Variants in TLR7 observed in about 807,000 individuals in gnomAD.
The protein encoded by TLR7 is toll like receptor 7.
In TLR7, 12 loss-of-function variants were observed where a neutral mutation model predicts 38.3. The ratio of observed to expected loss-of-function variants is 0.31; its 90% confidence interval spans 0.20 to 0.51. TLR7 has a LOEUF of 0.51. Ranked by LOEUF, TLR7 falls within the 20% of genes least tolerant of loss-of-function variation. The pLI, the probability that TLR7 is intolerant of heterozygous loss-of-function variation, is 0.98. For missense variants in TLR7, 504 were observed against 743.4 expected, an observed-to-expected ratio of 0.68 and a Z score of 3.74; for synonymous variants, 285 against 293.8, an observed-to-expected ratio of 0.97 and a Z score of 0.31.
intron 2 of TLR7, among the ~76,000 whole-genome samples, chrX:12,876,609 A>G (rs1046174827): frequency 4.5e-5 from 5 of 112,306 alleles, no homozygotes; most frequent in African/African-American, 9.7e-5. Flanking sequence ...CTGGCACACC[A>G]TAAGTAATAA....
At chrX:12,873,330 T>C (rs1469596649) in intron 2 of TLR7, among the ~76,000 whole-genome samples, 2 of 112,525 alleles carry the variant, frequency 1.8e-5, no homozygotes, top group Admixed American at 1.9e-4. Context: ...GTAACACTTA[T>C]CACTTGACAT....
At position 12,886,909 on chromosome X, in the gene TLR7, A is replaced by G; in HGVS notation, c.1401A>G (p.Arg467=). Residue 467 remains arginine (R), a synonymous_variant, in exon 3 of 3, where the codon AGA becomes AGG. Transcript: ENST00000380659. ...PQVLEQLHYF[R]YDKYARSCRF... ...TCCTGGAACAATTACATTATTTCAG[A>G]TATGATAAGTATGCAAGGAGTTGCA... 1 of 1,208,195 alleles carries G rather than the reference A, an allele frequency of 8.3e-7. No individual in the cohort carries two copies. Among genetic ancestry groups the G allele is most frequent in the African/African-American group, 1.7e-5 (1 of 57,750 alleles).
chrX:12,868,076 T>C (rs996604101), intron 2 of TLR7, among the ~76,000 whole-genome samples: 3 of 112,196 alleles, frequency 2.7e-5, no homozygotes, highest in African/African-American at 6.5e-5. Flanking sequence ...ATCAGGACTA[T>C]TGCAATCGGC....
intron 2 of TLR7, among the ~76,000 whole-genome samples, chrX:12,876,630 A>G (rs2042871691): frequency 8.9e-6 from 1 of 112,489 alleles, no homozygotes; most frequent in Non-Finnish European, 1.9e-5. Flanking sequence ...AAGGCAGCCA[A>G]TATTTTAAAA....
chrX:12,870,872 A>T (rs1372010104), intron 2 of TLR7, among the ~76,000 whole-genome samples: 1 of 112,133 alleles, frequency 8.9e-6, no homozygotes, highest in Admixed American at 9.5e-5. Context: ...TGGCCTGCAA[A>T]GATTAAACCA....
chrX:12,877,351 T>C (rs1487954751), intron 2 of TLR7: 1 of 104,474 alleles, frequency 9.6e-6, no homozygotes, highest in Admixed American at 1.0e-4. Flanking sequence ...TTTTCCAACC[T>C]GTGAGCTAAG....
chrX:12,868,275 A>G (rs1206786819), intron 2 of TLR7, among the ~76,000 whole-genome samples: 1 of 111,656 alleles, frequency 9.0e-6, no homozygotes. Flanking sequence ...GGGTGATCAG[A>G]CCTCACCTGT....
rs201380803 is a variant in TLR7 at position 12,885,871 on chromosome X, A to G, written c.363A>G (p.Arg121=). The G allele has an allele frequency of 1.6e-4, 191 of 1,210,415 alleles. No homozygotes were observed. The Middle Eastern group carries it at 3.0e-3, about 19-fold the overall frequency. Residue 121 remains arginine, a synonymous_variant, in exon 3 of 3, where the codon AGA becomes AGG. Coordinates refer to ENST00000380659, the MANE Select transcript of TLR7 (RefSeq NM_016562.4). ...TCAAGAGGCTGCAGATTAAACCCAG[A>G]AGCTTTAGTGGACTCACTTATTTAA... ...MCIKRLQIKP[R]SFSGLTYLKS...
chrX:12,867,522 T>C lies in TLR7; in HGVS notation c.-57T>C. 8.5e-7 allele frequency: 1 copy of C among 1,170,909 alleles called. No homozygotes were observed. The stretch of plus-strand genomic sequence containing the variant: ...CATCTCAAGCTGATCTTGGCACCTC[T>C]CATGCTCTGCTCTCTTCAACCAGAC... On this transcript the variant is annotated 5_prime_UTR_variant, in exon 2 of 3. Transcript: ENST00000380659.
rs61216010 is a variant in TLR7, at chrX:12,881,228, AAATAATAATAATAAT to A, written c.4-4264_4-4250del. 4.9e-4 allele frequency among the ~76,000 whole-genome samples: 48 copies of A among 98,768 alleles called. No homozygotes were observed. The East Asian group carries it at 0.013, about 27-fold the overall frequency. 85.8% of individuals were successfully genotyped at this position (98,768 alleles called of 115,157 possible). ...GGCAATAAGAGCGAAACTCAGTCTCAAATAATAATAATAATAATAATAATAATAATAATAGTCTAT... is the reference window on the plus strand; with the variant it reads ...GGCAATAAGAGCGAAACTCAGTCTCAAATAATAATAATAATAATAGTCTAT... On this transcript the variant is annotated intron_variant, in intron 2 of 2. Coordinates refer to ENST00000380659, the MANE Select transcript of TLR7 (RefSeq NM_016562.4).
intron 2 of TLR7, among the ~76,000 whole-genome samples, chrX:12,876,138 A>C (rs2042869740): frequency 9.0e-6 from 1 of 110,939 alleles, no homozygotes; most frequent in African/African-American, 3.3e-5. Flanking sequence ...TTGTATTTTT[A>C]GTAGAAATAG....
rs199898815 is a variant in TLR7 at position 12,888,041 on chromosome X, C to T, written c.2533C>T (p.Leu845Phe). ...LDLTNLILFS[L>F]SISVSLFLMV... ...TCTGACTAACCTGATTCTGTTCTCA[C>T]TTTCCATATCTGTATCTCTCTTTCT... The change falls in exon 3 of 3, where the codon CTT (leucine) becomes TTT (phenylalanine). Residue 845 changes from leucine to phenylalanine, a missense_variant. Physicochemically the swap from Leu to Phe is conservative, Grantham distance 22. Transcript: ENST00000380659. 1 of 1,209,915 alleles carries T rather than the reference C, an allele frequency of 8.3e-7. No individual in the cohort carries two copies. Among genetic ancestry groups the T allele is most frequent in the African/African-American group, 1.7e-5 (1 of 57,154 alleles).
chrX:12,875,063 G>A (rs1395286352), intron 2 of TLR7, among the ~76,000 whole-genome samples: 1 of 109,925 alleles, frequency 9.1e-6, no homozygotes, highest in Non-Finnish European at 1.9e-5. Context: ...TCTTGAATAT[G>A]GGCTTCAGTC....
At chrX:12,882,674 A>G (rs1277780612) in intron 2 of TLR7, among the ~76,000 whole-genome samples, 1 of 112,051 alleles carries the variant, frequency 8.9e-6, no homozygotes, top group Non-Finnish European at 1.9e-5. Context: ...AACATTTACC[A>G]TCACACCACT....
chrX:12,883,822 T>C (rs1444421476), intron 2 of TLR7, among the ~76,000 whole-genome samples: 1 of 110,985 alleles, frequency 9.0e-6, no homozygotes, highest in Non-Finnish European at 1.9e-5. Flanking sequence ...TTTTTAACGA[T>C]AGGGAGGAAA....
At position 12,885,753 on chromosome X, in the gene TLR7, C is replaced by T; in HGVS notation, c.245C>T (p.Pro82Leu). 8.3e-7 allele frequency: 1 copy of T among 1,212,008 alleles called. No homozygotes were observed. Among genetic ancestry groups the T allele is most frequent in the Non-Finnish European group, 1.1e-6 (1 of 895,577 alleles). ...LTINHIPDIS[P>L]ASFHRLDHLV... ...ATTAACCACATACCAGACATCTCCCCAGCGTCCTTTCACAGACTGGACCAT... is the reference window on the plus strand; with the variant it reads ...ATTAACCACATACCAGACATCTCCCTAGCGTCCTTTCACAGACTGGACCAT... The change falls in exon 3 of 3, where the codon CCA (proline) becomes CTA (leucine). Residue 82 changes from proline (P) to leucine (L), a missense_variant. Coordinates refer to ENST00000380659, the MANE Select transcript of TLR7 (RefSeq NM_016562.4).
rs2042861633 is a variant in TLR7 at position 12,873,788 on chromosome X, T to C, written c.3+6207T>C. Among the ~76,000 whole-genome samples the C allele has an allele frequency of 4.4e-5, 5 of 112,362 alleles. No homozygotes were observed. The South Asian group carries it at 1.8e-3, about 41-fold the overall frequency. On this transcript the variant is annotated intron_variant, in intron 2 of 2. Coordinates refer to ENST00000380659, the MANE Select transcript of TLR7 (RefSeq NM_016562.4). ...TCATAAATGCATTATATGTTATATG[T>C]TATTTTAATGCTGCTTTAAAAATCC... is the stretch of plus-strand genomic sequence containing the variant.
Position 12,888,058 on chromosome X carries a change from T to A in TLR7, c.2550T>A (p.Ser850=). 8.3e-7 allele frequency: 1 copy of A among 1,211,588 alleles called. No homozygotes were observed. Residue 850 remains serine (S), a synonymous_variant, in exon 3 of 3, where the codon TCT becomes TCA. Transcript: ENST00000380659. ...TGTTCTCACTTTCCATATCTGTATC[T>A]CTCTTTCTCATGGTGATGATGACAG... The part of the protein sequence containing the change: ...LILFSLSISV[S]LFLMVMMTAS...
chrX:12,886,773 G>C lies in TLR7; in HGVS notation c.1265G>C (p.Arg422Thr), dbSNP rs2042913347. Residue 422 changes from arginine to threonine, a missense_variant, in exon 3 of 3, where the codon AGA becomes ACA. Transcript: ENST00000380659. ...ANLSMFKQFK[R>T]LKVIDLSVNK... is the part of the protein sequence containing the mutation. ...CTCAGCATGTTTAAACAATTTAAAA[G>C]ACTGAAAGTCATAGATCTTTCAGTG... The C allele has an allele frequency of 2.5e-6, 3 of 1,206,790 alleles. No individual in the cohort carries two copies. The Admixed American group carries it at 6.6e-5, about 26-fold the overall frequency.
Sources: allele counts gnomAD v4.1 joint callset (sites outside exome capture counted in the v4.1 genomes callset), GRCh38; gene constraint gnomAD v4.1.1; transcripts MANE v1.5; gene names NCBI Gene and HGNC (gene_info 2026-07-23, HGNC 2026-07-21).